Variants in SPAG6 observed in about 807,000 individuals in gnomAD.
SPAG6 encodes sperm-associated antigen 6.
SPAG6 carries 49 observed loss-of-function variants against 58.5 expected under a neutral mutation model. The observed-to-expected ratio is 0.84, with a 90% CI of 0.67 to 1.06. The LOEUF (loss-of-function observed/expected upper bound fraction) is 1.06, where lower values mean the gene tolerates loss of function less well. SPAG6 is among the 50% of genes least tolerant of loss of function. The probability of loss-of-function intolerance (pLI) is 0.00; values close to 1 mark genes in which losing one functional copy is unlikely to be tolerated. For synonymous variants in SPAG6, 233 were observed against 225.6 expected, an observed-to-expected ratio of 1.03 and a Z score of -0.29; for missense variants, 560 against 611.3, an observed-to-expected ratio of 0.92 and a Z score of 0.89.
At chr10:22,406,007 GTCTA>G (rs1317025656) in intron 9 of SPAG6, among the ~76,000 whole-genome samples, 2 of 151,914 alleles carry the variant, frequency 1.3e-5, no homozygotes, top group African/African-American at 2.4e-5. Context: ...TTTTTATTGC[GTCTA>G]TCTGATTCTT....
At chr10:22,361,911 A>G (rs1837051428) in intron 2 of SPAG6, among the ~76,000 whole-genome samples, 1 of 150,720 alleles carries the variant, frequency 6.6e-6, no homozygotes, top group Non-Finnish European at 1.5e-5. Flanking sequence ...GATTTAATTC[A>G]AAATATAATT....
At chr10:22,383,065 A>T (rs894128926) in intron 4 of SPAG6, among the ~76,000 whole-genome samples, 6 of 152,346 alleles carry the variant, frequency 3.9e-5, no homozygotes, top group African/African-American at 1.4e-4. Context: ...TATTATAAAA[A>T]TTTTTTGAAG....
Position 22,412,603 on chromosome 10 carries a change from ACT to A in SPAG6, c.1460+1430_1460+1431del, listed in dbSNP as rs1336769607. The A allele has an allele frequency of 4.3e-6, 3 of 701,800 alleles. No individual in the cohort carries two copies. The East Asian group carries it at 9.4e-5, about 22-fold the overall frequency. 43.5% of individuals were successfully genotyped at this position (701,800 alleles called of 1,614,324 possible). On this transcript the variant is annotated intron_variant, in intron 10 of 10. Coordinates refer to ENST00000376624, the MANE Select transcript of SPAG6 (RefSeq NM_012443.4). ...CATGTATAATTAGTCTACATATAAC[ACT>A]CTGTCTCCAGGCTGGAGTGCAGTAG...
At chr10:22,346,437 T>TTCTTCC (rs1491310263) in intron 2 of SPAG6, among the ~76,000 whole-genome samples, 2 of 112,378 alleles carry the variant, frequency 1.8e-5, no homozygotes, top group Admixed American at 8.8e-5. Flanking sequence ...ATGGTTCTTC[T>TTCTTCC]TCTTCTTCTT....
chr10:22,384,255 G>T (rs1223805756), intron 4 of SPAG6, among the ~76,000 whole-genome samples: 1 of 152,200 alleles, frequency 6.6e-6, no homozygotes, highest in Admixed American at 6.5e-5. Flanking sequence ...ATTTTCTGCT[G>T]TGTATCTCAG....
intron 8 of SPAG6, among the ~76,000 whole-genome samples, chr10:22,398,438 A>T (rs1428744347): frequency 6.6e-6 from 1 of 152,234 alleles, no homozygotes; most frequent in African/African-American, 2.4e-5. Context: ...TTCAAAAGAC[A>T]CCATTAAGCC....
intron 4 of SPAG6, 52 bp from the exon 5 acceptor site, chr10:22,386,702 G>A (rs1834070626): frequency 2.3e-5 from 33 of 1,442,502 alleles, no homozygotes; most frequent in Middle Eastern, 3.5e-4. Flanking sequence ...AAAATGGCTT[G>A]CACAAGGGTC....
intron 3 of SPAG6, among the ~76,000 whole-genome samples, chr10:22,366,765 T>G (rs2132051774): frequency 6.6e-6 from 1 of 152,294 alleles, no homozygotes; most frequent in East Asian, 1.9e-4. Context: ...CTCTTTCTTT[T>G]GAGAGCAGAG....
At chr10:22,382,957 T>A (rs1331834096) in intron 4 of SPAG6, among the ~76,000 whole-genome samples, 1 of 152,242 alleles carries the variant, frequency 6.6e-6, no homozygotes, top group Non-Finnish European at 1.5e-5. Flanking sequence ...TGTAGCCTTT[T>A]CTCTTTGCAT....
At chr10:22,370,109 A>G (rs984310365) in intron 4 of SPAG6, among the ~76,000 whole-genome samples, 5 of 152,234 alleles carry the variant, frequency 3.3e-5, no homozygotes, top group African/African-American at 9.6e-5. Flanking sequence ...AAGTGATTAT[A>G]ATGTTAAAAA....
intron 10 of SPAG6, chr10:22,411,710 C>G (rs376872262): frequency 6.6e-6 from 1 of 152,056 alleles, no homozygotes; most frequent in Non-Finnish European, 1.5e-5. Context: ...AAAAAAGATT[C>G]ATTTTTAAAT....
intron 8 of SPAG6, among the ~76,000 whole-genome samples, chr10:22,394,675 T>C (rs1426176703): frequency 1.3e-5 from 2 of 152,174 alleles, no homozygotes; most frequent in African/African-American, 4.8e-5. Context: ...TATGGATTTG[T>C]CTCTTTTGGA....
chr10:22,365,933 A>T (rs1228914988), intron 3 of SPAG6, among the ~76,000 whole-genome samples: 4 of 152,156 alleles, frequency 2.6e-5, no homozygotes, highest in Non-Finnish European at 5.9e-5. Context: ...TGGTGAGGGC[A>T]TGGAGAAATT....
intron 10 of SPAG6, among the ~76,000 whole-genome samples, chr10:22,411,969 C>T (rs1367478178): frequency 6.6e-6 from 1 of 151,024 alleles, no homozygotes. Flanking sequence ...CTGCGTCGGC[C>T]TCCCGAGTAG....
At chr10:22,406,302 G>C (rs1442980180) in intron 9 of SPAG6, among the ~76,000 whole-genome samples, 1 of 151,956 alleles carries the variant, frequency 6.6e-6, no homozygotes, top group Non-Finnish European at 1.5e-5. Context: ...TCTACACACT[G>C]CTTTGAATGC....
chr10:22,416,578 G>T, intron 10 of SPAG6, 41 bp from the exon 11 acceptor site: 2 of 1,243,990 alleles, frequency 1.6e-6, no homozygotes, highest in South Asian at 1.2e-5. Flanking sequence ...CTGCTGTGTT[G>T]ATCGTTTCAC....
chr10:22,372,003 C>T (rs1404179283), intron 4 of SPAG6, among the ~76,000 whole-genome samples: 1 of 152,086 alleles, frequency 6.6e-6, no homozygotes, highest in Non-Finnish European at 1.5e-5. Context: ...TTACCTCTGA[C>T]TTTGCAGATA....
intron 4 of SPAG6, among the ~76,000 whole-genome samples, chr10:22,383,196 G>T (rs1466536106): frequency 2.0e-5 from 3 of 152,118 alleles, no homozygotes; most frequent in Non-Finnish European, 4.4e-5. Context: ...ATCAATCTTT[G>T]ATTTCATAAT....
chr10:22,351,619 C>T (rs921290445), intron 2 of SPAG6, among the ~76,000 whole-genome samples: 1 of 152,040 alleles, frequency 6.6e-6, no homozygotes, highest in Admixed American at 6.6e-5. Flanking sequence ...TTTAATCATG[C>T]TTTGTGTAAA....
Sources: gnomAD v4.1 joint callset for allele counts (sites outside exome capture counted in the v4.1 genomes callset) on GRCh38, gnomAD v4.1.1 for gene constraint, MANE v1.5 for transcripts, NCBI Gene and HGNC (gene_info 2026-07-23, HGNC 2026-07-21) for gene names.